COMMD10: variants seen among roughly 807,000 people sequenced by gnomAD.
The protein encoded by COMMD10 is COMM domain-containing protein 10.
A neutral mutation model predicts 28.9 loss-of-function variants in COMMD10; 33 were observed. The observed-to-expected ratio is 1.14, with a 90% CI of 0.87 to 1.53. COMMD10 has a LOEUF of 1.53. Ranked by LOEUF, COMMD10 falls within the 40% of genes most tolerant of loss-of-function variation. The pLI, the probability that COMMD10 is intolerant of heterozygous loss-of-function variation, is 0.00. For synonymous variants in COMMD10, 110 were observed against 81.7 expected, an observed-to-expected ratio of 1.35 and a Z score of -1.87; for missense variants, 310 against 233.4, an observed-to-expected ratio of 1.33 and a Z score of -2.14.
chr5:116,244,660 C>CAAAAAAAAAAAAAAAAAAAAAA (rs60360733), intron 5 of COMMD10, among the ~76,000 whole-genome samples: 19 of 79,450 alleles, frequency 2.4e-4, no homozygotes, highest in East Asian at 7.6e-4. Flanking sequence ...AAAAAAATTA[C>CAAAAAAAAAAAAAAAAAAAAAA]AAAAAAAAAA....
intron 5 of COMMD10, among the ~76,000 whole-genome samples, chr5:116,232,338 C>G (rs1036421326): frequency 6.9e-6 from 1 of 144,642 alleles, no homozygotes; most frequent in Non-Finnish European, 1.5e-5. Flanking sequence ...GACTGAATAT[C>G]ACTGTCCTAA....
At chr5:116,141,183 A>G (rs1199743538) in intron 5 of COMMD10, among the ~76,000 whole-genome samples, 1 of 151,572 alleles carries the variant, frequency 6.6e-6, no homozygotes, top group Non-Finnish European at 1.5e-5. Context: ...TAAAGAGACA[A>G]TTCTTTCGTT....
At chr5:116,262,820 A>G (rs747751500) in intron 5 of COMMD10, among the ~76,000 whole-genome samples, 1 of 151,802 alleles carries the variant, frequency 6.6e-6, no homozygotes, top group African/African-American at 2.4e-5. Flanking sequence ...CAATATTTCT[A>G]TGTCAAATAT....
At chr5:116,244,660 CAAAAAAAA>C (rs60360733) in intron 5 of COMMD10, among the ~76,000 whole-genome samples, 2 of 79,486 alleles carry the variant, frequency 2.5e-5, no homozygotes, top group African/African-American at 3.6e-5. Flanking sequence ...AAAAAAATTA[CAAAAAAAA>C]AAAAAAAAAA....
intron 5 of COMMD10, among the ~76,000 whole-genome samples, chr5:116,194,554 A>G (rs894514016): frequency 6.6e-6 from 1 of 152,204 alleles, no homozygotes; most frequent in Non-Finnish European, 1.5e-5. Flanking sequence ...ATGCACATAA[A>G]CTAGAAAACC....
At chr5:116,256,945 T>C (rs529328471) in intron 5 of COMMD10, among the ~76,000 whole-genome samples, 26 of 151,744 alleles carry the variant, frequency 1.7e-4, no homozygotes, top group Non-Finnish European at 3.4e-4. Flanking sequence ...CTCACACATA[T>C]GTACTTAACA....
At chr5:116,150,489 G>A (rs1356457618) in intron 5 of COMMD10, among the ~76,000 whole-genome samples, 2 of 151,528 alleles carry the variant, frequency 1.3e-5, no homozygotes, top group Non-Finnish European at 2.9e-5. Flanking sequence ...CTACCCATGA[G>A]CATGGAATGT....
At chr5:116,120,869 C>T (rs1308165741) in intron 4 of COMMD10, among the ~76,000 whole-genome samples, 1 of 151,524 alleles carries the variant, frequency 6.6e-6, no homozygotes, top group East Asian at 1.9e-4. Context: ...ATGAATAAAC[C>T]TAATTAATGT....
chr5:116,227,055 C>T (rs949765967), intron 5 of COMMD10, among the ~76,000 whole-genome samples: 11 of 152,040 alleles, frequency 7.2e-5, no homozygotes, highest in Non-Finnish European at 2.9e-5. Flanking sequence ...CCCTCTTTTG[C>T]CTTCTGGTGT....
chr5:116,229,163 T>C (rs1202750049), intron 5 of COMMD10, among the ~76,000 whole-genome samples: 1 of 152,050 alleles, frequency 6.6e-6, no homozygotes, highest in Non-Finnish European at 1.5e-5. Context: ...GCACTATTTT[T>C]AATCCTACTC....
intron 5 of COMMD10, among the ~76,000 whole-genome samples, chr5:116,157,801 G>T (rs747709153): frequency 1.3e-4 from 20 of 152,248 alleles, no homozygotes; most frequent in Admixed American, 4.6e-4. Context: ...CACCAGCAGT[G>T]TATATAAGTT....
intron 5 of COMMD10, among the ~76,000 whole-genome samples, chr5:116,281,374 G>T (rs914000288): frequency 6.6e-6 from 1 of 151,598 alleles, no homozygotes; most frequent in Non-Finnish European, 1.5e-5. Flanking sequence ...TCATAGATAG[G>T]ATTACAAATT....
intron 5 of COMMD10, among the ~76,000 whole-genome samples, chr5:116,213,993 T>C (rs886937354): frequency 2.0e-5 from 3 of 152,146 alleles, no homozygotes; most frequent in Admixed American, 6.5e-5. Context: ...AATCCTGCTT[T>C]TATGAAAATA....
At chr5:116,149,532 T>G (rs982041658) in intron 5 of COMMD10, among the ~76,000 whole-genome samples, 1 of 144,472 alleles carries the variant, frequency 6.9e-6, no homozygotes, top group African/African-American at 2.6e-5. Flanking sequence ...TTCCTGACTT[T>G]TTAATGATTG....
chr5:116,111,640 C>T (rs1368613217), intron 4 of COMMD10, among the ~76,000 whole-genome samples: 1 of 152,036 alleles, frequency 6.6e-6, no homozygotes, highest in Non-Finnish European at 1.5e-5. Context: ...TGAGAAGTTA[C>T]TTGGTATGAT....
chr5:116,133,042 G>C (rs1751910796), intron 4 of COMMD10, among the ~76,000 whole-genome samples: 1 of 152,090 alleles, frequency 6.6e-6, no homozygotes, highest in Non-Finnish European at 1.5e-5. Context: ...GATTCTAGCT[G>C]TTGAACAGTC....
chr5:116,154,360 T>C (rs1426701482), intron 5 of COMMD10, among the ~76,000 whole-genome samples: 3 of 152,290 alleles, frequency 2.0e-5, no homozygotes, highest in East Asian at 1.9e-4. Flanking sequence ...TAGTTTATTG[T>C]TAGTGATGTC....
At chr5:116,255,694 T>C (rs1459886198) in intron 5 of COMMD10, 1 of 151,606 alleles carries the variant, frequency 6.6e-6, no homozygotes, top group Non-Finnish European at 1.5e-5. Flanking sequence ...AACACTGTTA[T>C]TTAATAGTGT....
intron 5 of COMMD10, among the ~76,000 whole-genome samples, chr5:116,136,356 A>T (rs1048646291): frequency 6.6e-6 from 1 of 152,194 alleles, no homozygotes; most frequent in Non-Finnish European, 1.5e-5. Flanking sequence ...GAAAATACAT[A>T]CATACATGCA....
Sources: gnomAD v4.1 joint callset for allele counts (sites outside exome capture counted in the v4.1 genomes callset) on GRCh38, gnomAD v4.1.1 for gene constraint, MANE v1.5 for transcripts, NCBI Gene and HGNC (gene_info 2026-07-23, HGNC 2026-07-21) for gene names.